DERA: variants seen among roughly 807,000 people sequenced by gnomAD.
DERA encodes the protein 2-deoxy-D-ribose 5-phosphate aldolase.
In DERA, 15 loss-of-function variants were observed where a neutral mutation model predicts 41.1. That is an observed-to-expected ratio of 0.37 (90% CI 0.24 to 0.56). The LOEUF (loss-of-function observed/expected upper bound fraction) is 0.56, where lower values mean the gene tolerates loss of function less well. DERA is among the 20% of genes least tolerant of loss of function. The pLI, the probability that DERA is intolerant of heterozygous loss-of-function variation, is 0.81. For missense variants in DERA, 396 were observed against 403.4 expected (o/e 0.98, Z 0.16); for synonymous variants, 139 against 137.4 (o/e 1.01, Z -0.08).
chr12:15,987,925 G>A (rs1408320242), intron 6 of DERA, among the ~76,000 whole-genome samples: 1 of 152,122 alleles, frequency 6.6e-6, no homozygotes, highest in Non-Finnish European at 1.5e-5. Context: ...GTGAGTGCAC[G>A]CGGGGTCCAG....
intron 1 of DERA, among the ~76,000 whole-genome samples, chr12:15,926,204 T>C (rs1245416166): frequency 1.3e-5 from 2 of 152,006 alleles, no homozygotes; most frequent in East Asian, 1.9e-4. Context: ...GTTTTTTTTT[T>C]CTTTTCAAGA....
At chr12:16,027,980 A>G (rs1310264296) in intron 6 of DERA, among the ~76,000 whole-genome samples, 1 of 152,244 alleles carries the variant, frequency 6.6e-6, no homozygotes, top group Non-Finnish European at 1.5e-5. Context: ...AGCATCCAGT[A>G]TCCATGGATT....
At position 15,962,954 on chromosome 12, in the gene DERA, G is replaced by A; in HGVS notation, c.508+7G>A. 1 of 1,604,182 alleles carries A rather than the reference G, an allele frequency of 6.2e-7. No individual in the cohort carries two copies. The highest frequency in any genetic ancestry group is 8.5e-7 in the Non-Finnish European group (1 of 1,175,272). Reference sequence around the variant, plus strand: ...CTGACAGGCCAGTGGGAAGGTAGGTGCATGCTTTTACCTAAGAGAGTTTCA... The same window carrying A: ...CTGACAGGCCAGTGGGAAGGTAGGTACATGCTTTTACCTAAGAGAGTTTCA... On this transcript the variant is annotated splice_region_variant and intron_variant, in intron 5 of 8. Transcript: ENST00000428559.
Position 16,011,843 on chromosome 12 carries a change from C to G in DERA, c.638-20699C>G, listed in dbSNP as rs1948948681. 6.6e-6 allele frequency among the ~76,000 whole-genome samples: 1 copy of G among 152,018 alleles called. No individual in the cohort carries two copies. The highest frequency in any genetic ancestry group is 1.5e-5 in the Non-Finnish European group (1 of 68,002). ...CTATTATACCTATATAATAATAATG[C>G]CTGTGGATATTTCTGGCATTTTCTT... is the stretch of plus-strand genomic sequence containing the variant. On this transcript the variant is annotated intron_variant, in intron 6 of 8. Coordinates refer to ENST00000428559, the MANE Select transcript of DERA (RefSeq NM_015954.4). The surrounding 1 kb of genome is among the most constrained non-coding windows in gnomAD (Gnocchi z 4.7).
intron 6 of DERA, among the ~76,000 whole-genome samples, chr12:15,997,498 G>A (rs1317531712): frequency 1.3e-5 from 2 of 152,148 alleles, no homozygotes; most frequent in African/African-American, 4.8e-5. Flanking sequence ...TGCTCAGCAA[G>A]GTGTTCGGTA....
In DERA at chr12:16,001,799, T is replaced by C. The variant is rs191997241; in HGVS notation, c.637+19363T>C. On this transcript the variant is annotated intron_variant, in intron 6 of 8. Transcript: ENST00000428559. The surrounding 1 kb of genome is among the most constrained non-coding windows in gnomAD (Gnocchi z 4.1). ...GTCTCCTGCTTCCCTGAGTCAGAAGTGGCAGGCACACTAGACGAAGCAGCA... is the reference window on the plus strand; with the variant it reads ...GTCTCCTGCTTCCCTGAGTCAGAAGCGGCAGGCACACTAGACGAAGCAGCA... Among the ~76,000 whole-genome samples the C allele has an allele frequency of 6.6e-6, 1 of 152,280 alleles. No individual in the cohort carries two copies. The highest frequency in any genetic ancestry group is 6.5e-5 in the Admixed American group (1 of 15,292).
In DERA at chr12:15,981,974, C is replaced by T. The variant is rs139781666; in HGVS notation, c.509-334C>T. Among the ~76,000 whole-genome samples, 2,713 of 152,112 alleles carry T rather than the reference C, an allele frequency of 0.018. 86 individuals carry two copies. The highest frequency in any genetic ancestry group is 0.063 in the African/African-American group (2,594 of 41,478). Reference sequence around the variant, plus strand: ...GGGTACACCACTGTATGTATGGTAGCTACATTTGTTTTTTGTTGGAAGCAA... The same window carrying T: ...GGGTACACCACTGTATGTATGGTAGTTACATTTGTTTTTTGTTGGAAGCAA... On this transcript the variant is annotated intron_variant, in intron 5 of 8. Transcript: ENST00000428559. The surrounding 1 kb of genome is among the most constrained non-coding windows in gnomAD (Gnocchi z 6.1).
At position 16,012,086 on chromosome 12, in the gene DERA, G is replaced by C. The variant is rs566222569; in HGVS notation, c.638-20456G>C. Among the ~76,000 whole-genome samples, 24 of 152,322 alleles carry C rather than the reference G, an allele frequency of 1.6e-4. No homozygotes were observed. Among genetic ancestry groups the C allele is most frequent in the African/African-American group, 5.8e-4 (24 of 41,588 alleles). ...GTTTGGTAAAGAAAAGCCTTGTCTTGTACACTGCTGTGTATGCACTTTATA... is the reference window on the plus strand; with the variant it reads ...GTTTGGTAAAGAAAAGCCTTGTCTTCTACACTGCTGTGTATGCACTTTATA... On this transcript the variant is annotated intron_variant, in intron 6 of 8. Coordinates refer to ENST00000428559, the MANE Select transcript of DERA (RefSeq NM_015954.4). This position sits in a 1 kb window ranked among gnomAD's most constrained non-coding sequence, Gnocchi z 4.1.
intron 1 of DERA, among the ~76,000 whole-genome samples, chr12:15,920,893 A>G (rs896355671): frequency 7.7e-4 from 117 of 152,228 alleles, no homozygotes; most frequent in African/African-American, 2.8e-3. Flanking sequence ...GAGAAAGCCC[A>G]TGAGTCTGCA....
At chr12:16,023,439 T>C (rs969924776) in intron 6 of DERA, among the ~76,000 whole-genome samples, 7 of 151,898 alleles carry the variant, frequency 4.6e-5, no homozygotes, top group Admixed American at 6.6e-5. Context: ...AAAAAATACA[T>C]TGGATGCTAG....
At chr12:15,952,693 T>C (rs1423360229) in intron 1 of DERA, among the ~76,000 whole-genome samples, 1 of 152,258 alleles carries the variant, frequency 6.6e-6, no homozygotes, top group Admixed American at 6.5e-5. Context: ...CTATGTATTT[T>C]ACACTTAAAG....
chr12:15,933,474 A>G (rs1210025935), intron 1 of DERA, among the ~76,000 whole-genome samples: 1 of 152,140 alleles, frequency 6.6e-6, no homozygotes, highest in African/African-American at 2.4e-5. Flanking sequence ...TGTTTGTTAT[A>G]CCAAATTGGC....
chr12:15,920,228 CTTTTTG>C (rs997363630), intron 1 of DERA, among the ~76,000 whole-genome samples: 1 of 152,124 alleles, frequency 6.6e-6, no homozygotes, highest in Non-Finnish European at 1.5e-5. Context: ...AAGGCTACCT[CTTTTTG>C]TTGTTGTTTT....
At chr12:16,034,347 A>G (rs1016446938) in intron 7 of DERA, among the ~76,000 whole-genome samples, 1 of 152,168 alleles carries the variant, frequency 6.6e-6, no homozygotes, top group African/African-American at 2.4e-5. Context: ...TGTCAATGAA[A>G]TTTTTAAGTG....
rs1446320158 is a variant in DERA, at chr12:15,943,885, C to A, written c.32-13051C>A. On this transcript the variant is annotated intron_variant, in intron 1 of 8. Coordinates refer to ENST00000428559, the MANE Select transcript of DERA (RefSeq NM_015954.4). The surrounding 1 kb of genome is among the most constrained non-coding windows in gnomAD (Gnocchi z 4.5). ...TAATGCTATCCCTCCCCCCTCCCCCCACCCCACGACAGACCCTGGTGTGTG... is the reference window on the plus strand; with the variant it reads ...TAATGCTATCCCTCCCCCCTCCCCCAACCCCACGACAGACCCTGGTGTGTG... Among the ~76,000 whole-genome samples, 2 of 120,674 alleles carry A rather than the reference C, an allele frequency of 1.7e-5. No homozygotes were observed. The highest frequency in any genetic ancestry group is 1.7e-5 in the Non-Finnish European group (1 of 59,532). 79.2% of individuals were successfully genotyped at this position (120,674 alleles called of 152,430 possible).
At chr12:15,947,147 T>C (rs1248464954) in intron 1 of DERA, among the ~76,000 whole-genome samples, 1 of 152,242 alleles carries the variant, frequency 6.6e-6, no homozygotes, top group Admixed American at 6.5e-5. Context: ...AATTTTGGAA[T>C]AAGTGTGATA....
rs1039314105 is a variant in DERA at position 15,993,889 on chromosome 12, T to C, written c.637+11453T>C. On this transcript the variant is annotated intron_variant, in intron 6 of 8. Transcript: ENST00000428559. The surrounding 1 kb of genome is among the most constrained non-coding windows in gnomAD (Gnocchi z 4.4). Reference sequence around the variant, plus strand: ...ACTACTGATGGTGTATTTTGGTACATGCATATCCTTTTAAAGAAAAGGTTG... The same window carrying C: ...ACTACTGATGGTGTATTTTGGTACACGCATATCCTTTTAAAGAAAAGGTTG... Among the ~76,000 whole-genome samples, 2 of 152,266 alleles carry C rather than the reference T, an allele frequency of 1.3e-5. No homozygotes were observed. Among genetic ancestry groups the C allele is most frequent in the Non-Finnish European group, 2.9e-5 (2 of 68,044 alleles).
At chr12:15,958,484 T>A in intron 3 of DERA, 149 bp downstream of exon 3, 1 of 443,026 alleles carries the variant, frequency 2.3e-6, no homozygotes, top group East Asian at 4.0e-5. Flanking sequence ...CAGATTCTTC[T>A]CTGAAAAACA....
chr12:15,994,674 C>T lies in DERA; in HGVS notation c.637+12238C>T, dbSNP rs1316833584. 3.3e-5 allele frequency among the ~76,000 whole-genome samples: 5 copies of T among 152,106 alleles called. No individual in the cohort carries two copies. Among genetic ancestry groups the T allele is most frequent in the South Asian group, 4.1e-4 (2 of 4,828 alleles). ...TTCACCATGTTAGCCAGCATGGTCT[C>T]GATCTCCTGACCTCGCGATCCACCC... On this transcript the variant is annotated intron_variant, in intron 6 of 8. Coordinates refer to ENST00000428559, the MANE Select transcript of DERA (RefSeq NM_015954.4). This position sits in a 1 kb window ranked among gnomAD's most constrained non-coding sequence, Gnocchi z 4.8.
Sources: gnomAD v4.1 joint callset for allele counts (sites outside exome capture counted in the v4.1 genomes callset) on GRCh38, gnomAD v4.1.1 for gene constraint, Gnocchi (gnomAD v3.1) non-coding constraint, MANE v1.5 for transcripts, NCBI Gene and HGNC (gene_info 2026-07-23, HGNC 2026-07-21) for gene names.